The following STPG2 variants were observed in gnomAD, a reference collection of about 807,000 sequenced individuals.
STPG2 encodes the protein sperm tail PG-rich repeat containing 2.
A neutral mutation model predicts 54.2 loss-of-function variants in STPG2; 56 were observed. That is an observed-to-expected ratio of 1.03 (90% CI 0.83 to 1.29). The LOEUF is 1.29. STPG2 is among the 50% of genes most tolerant of loss of function. The pLI, the probability that STPG2 is intolerant of heterozygous loss-of-function variation, is 0.00. For missense variants in STPG2, 596 were observed against 544.9 expected (o/e 1.09, Z -0.93); for synonymous variants, 200 against 181.8 (o/e 1.10, Z -0.81).
intron 7 of STPG2, among the ~76,000 whole-genome samples, chr4:97,957,986 G>A (rs1012914485): frequency 1.1e-4 from 17 of 151,870 alleles, no homozygotes; most frequent in African/African-American, 3.9e-4. Context: ...AAATCTCACA[G>A]GACCTACAAA....
intron 10 of STPG2, among the ~76,000 whole-genome samples, chr4:97,698,057 T>G (rs146623680): frequency 6.6e-6 from 1 of 152,176 alleles, no homozygotes; most frequent in Admixed American, 6.5e-5. Flanking sequence ...TCTATATTTC[T>G]TTGTGTGTGT....
chr4:97,624,956 C>A (rs1261077665), intron 10 of STPG2, among the ~76,000 whole-genome samples: 1 of 152,092 alleles, frequency 6.6e-6, no homozygotes, highest in Admixed American at 6.5e-5. Flanking sequence ...TGATCCTAAT[C>A]CAACAGGACT....
chr4:97,551,307 A>C (rs1560655945), intron 4 of STPG2, among the ~76,000 whole-genome samples: 1 of 152,198 alleles, frequency 6.6e-6, no homozygotes, highest in Non-Finnish European at 1.5e-5. Flanking sequence ...ATGATTTCTA[A>C]AAGAGAAGTC....
At chr4:97,747,601 C>CA (rs1409820232) in intron 9 of STPG2, among the ~76,000 whole-genome samples, 1 of 151,178 alleles carries the variant, frequency 6.6e-6, no homozygotes, top group Non-Finnish European at 1.5e-5. Context: ...TTATTGGGAT[C>CA]AGTTTCATAT....
At chr4:97,952,494 C>G (rs1167691071) in intron 7 of STPG2, among the ~76,000 whole-genome samples, 1 of 152,170 alleles carries the variant, frequency 6.6e-6, no homozygotes, top group African/African-American at 2.4e-5. Context: ...TTCCTTTCGC[C>G]TAGGACCAGG....
chr4:97,699,468 ATTTC>A (rs1245398731), intron 10 of STPG2, among the ~76,000 whole-genome samples: 1 of 152,128 alleles, frequency 6.6e-6, no homozygotes. Context: ...TCTTCCATAA[ATTTC>A]TTTATCACCA....
rs1407613885 is a variant in STPG2 at position 98,033,947 on chromosome 4, C to T, written c.613-52629G>A. 2.6e-5 allele frequency among the ~76,000 whole-genome samples: 4 copies of T among 151,954 alleles called. 1 individual carries two copies. The highest frequency in any genetic ancestry group is 9.7e-5 in the African/African-American group (4 of 41,382). ...CAGTAAACTAGGTATCGATGGAACG[C>T]ATCTCAAAATAATAAGAGCTATTTA... On this transcript the variant is annotated intron_variant, in intron 5 of 10. Transcript: ENST00000295268.
chr4:97,535,759 T>C (rs2148856588), intron 4 of STPG2, among the ~76,000 whole-genome samples: 1 of 152,272 alleles, frequency 6.6e-6, no homozygotes, highest in East Asian at 1.9e-4. Context: ...CCTTCTTGGG[T>C]CTATGCACTT....
intron 10 of STPG2, among the ~76,000 whole-genome samples, chr4:97,566,637 G>A (rs1048397948): frequency 1.3e-5 from 2 of 152,064 alleles, no homozygotes; most frequent in Non-Finnish European, 2.9e-5. Flanking sequence ...CAACCCAAAT[G>A]TCCAACAATG....
At chr4:97,504,499 T>A (rs1730804623) in intron 4 of STPG2, among the ~76,000 whole-genome samples, 1 of 151,844 alleles carries the variant, frequency 6.6e-6, no homozygotes, top group Non-Finnish European at 1.5e-5. Flanking sequence ...CTATGGGAAA[T>A]AATGTGAGAA....
intron 8 of STPG2, among the ~76,000 whole-genome samples, chr4:97,866,103 G>T (rs1298056024): frequency 6.6e-6 from 1 of 151,850 alleles, no homozygotes; most frequent in Non-Finnish European, 1.5e-5. Flanking sequence ...AAGAAGGGTA[G>T]TTCTGAGTGG....
chr4:97,578,034 A>G (rs1191688946), intron 10 of STPG2, among the ~76,000 whole-genome samples: 3 of 151,836 alleles, frequency 2.0e-5, no homozygotes, highest in African/African-American at 7.3e-5. Flanking sequence ...CGAATATAAC[A>G]CGCCTCCTGT....
chr4:97,952,753 G>C (rs115222185), intron 7 of STPG2, among the ~76,000 whole-genome samples: 1 of 152,128 alleles, frequency 6.6e-6, no homozygotes. Context: ...AATGCTGGTG[G>C]TGGTAGTAAT....
intron 9 of STPG2, among the ~76,000 whole-genome samples, chr4:97,733,459 AG>A (rs1209013042): frequency 2.0e-5 from 3 of 152,134 alleles, no homozygotes; most frequent in Non-Finnish European, 4.4e-5. Flanking sequence ...GGAGAGGAAT[AG>A]GGATCAAAAA....
At chr4:97,789,020 T>C (rs1047422013) in intron 9 of STPG2, among the ~76,000 whole-genome samples, 1 of 152,006 alleles carries the variant, frequency 6.6e-6, no homozygotes, top group Non-Finnish European at 1.5e-5. Flanking sequence ...TTTTCTTTTC[T>C]AATACAAATG....
chr4:97,598,340 C>A (rs2148903878), intron 10 of STPG2, among the ~76,000 whole-genome samples: 1 of 151,934 alleles, frequency 6.6e-6, no homozygotes, highest in East Asian at 1.9e-4. Flanking sequence ...CAACACTATT[C>A]CAAACTACCA....
intron 9 of STPG2, among the ~76,000 whole-genome samples, chr4:97,829,695 T>A (rs1728385021): frequency 6.6e-6 from 1 of 152,012 alleles, no homozygotes; most frequent in Non-Finnish European, 1.5e-5. Flanking sequence ...CTGATGGAGC[T>A]GAAAAACACA....
intron 9 of STPG2, among the ~76,000 whole-genome samples, chr4:97,794,278 C>G (rs747232837): frequency 2.0e-5 from 3 of 151,934 alleles, no homozygotes; most frequent in Non-Finnish European, 4.4e-5. Context: ...GCAAATCCCT[C>G]TCTTAGTGAA....
At chr4:97,607,950 C>T (rs10020808) in intron 10 of STPG2, among the ~76,000 whole-genome samples, 72,568 of 151,810 alleles carry the variant, frequency 0.48, 19,593 homozygotes, top group South Asian at 0.65. Context: ...GGCTTAAAGC[C>T]AACTAATTAT....
Sources: allele counts gnomAD v4.1 joint callset (sites outside exome capture counted in the v4.1 genomes callset), GRCh38; gene constraint gnomAD v4.1.1; transcripts MANE v1.5; gene names NCBI Gene and HGNC (gene_info 2026-07-23, HGNC 2026-07-21).